Variants in AKR1C3 observed in about 807,000 individuals in gnomAD.
AKR1C3 encodes the protein 3-alpha hydroxysteroid dehydrogenase, type II.
Under a neutral mutation model 43.6 loss-of-function variants are expected in AKR1C3, and 48 were observed. The observed-to-expected ratio is 1.10, with a 90% CI of 0.87 to 1.40. The LOEUF (loss-of-function observed/expected upper bound fraction) is 1.40, where lower values mean the gene tolerates loss of function less well. AKR1C3 is among the 40% of genes most tolerant of loss of function. The pLI is 0.00. For synonymous variants in AKR1C3, 162 were observed against 139.6 expected (o/e 1.16, Z -1.13); for missense variants, 482 against 391.2 (o/e 1.23, Z -1.96).
At chr10:5,099,236 T>C (rs1418062485) in intron 4 of AKR1C3, 91 bp from the exon 5 acceptor site, 1 of 1,579,842 alleles carries the variant, frequency 6.3e-7, no homozygotes, top group Non-Finnish European at 8.6e-7. Context: ...TGTCATACTT[T>C]GAAAGTTGTT....
chr10:5,107,235 TTG>T (rs61187105), intron 8 of AKR1C3, among the ~76,000 whole-genome samples: 1,539 of 151,968 alleles, frequency 0.01, 24 homozygotes, highest in African/African-American at 0.035. Context: ...ATATTTGACT[TTG>T]TGTGTTTTAC....
At chr10:5,079,468 G>T (rs1838784859) in intron 1 of AKR1C3, among the ~76,000 whole-genome samples, 1 of 152,142 alleles carries the variant, frequency 6.6e-6, no homozygotes, top group Non-Finnish European at 1.5e-5. Flanking sequence ...GAACAGAGGA[G>T]AAAAGCATTT....
intron 7 of AKR1C3, among the ~76,000 whole-genome samples, chr10:5,104,747 CATT>C (rs1354323759): frequency 4.6e-5 from 7 of 152,130 alleles, no homozygotes; most frequent in African/African-American, 1.7e-4. Context: ...ATATATATAT[CATT>C]AATTTTATAA....
intron 1 of AKR1C3, among the ~76,000 whole-genome samples, chr10:5,061,183 C>T (rs1409278034): frequency 3.9e-5 from 6 of 152,226 alleles, no homozygotes; most frequent in African/African-American, 1.4e-4. Context: ...ACTGCAAGGG[C>T]TGCCAGCACA....
At chr10:5,048,848 G>A in exon 1 of AKR1C3, 1 of 1,613,938 alleles carries the variant, frequency 6.2e-7, no homozygotes, top group South Asian at 1.1e-5. Context: ...GCTAAATGAT[G>A]GTCACTTCAT....
intron 3 of AKR1C3, chr10:5,098,266 ATTATTGTTGACCCAAAC>A (rs1554785469): frequency 1.1e-6 from 1 of 897,188 alleles, no homozygotes; most frequent in East Asian, 1.2e-4. Flanking sequence ...ACTTTTTTTT[ATTATTGTTGACCCAAAC>A]TTTTTCATTG....
chr10:5,077,395 T>C (rs556322736), intron 1 of AKR1C3, among the ~76,000 whole-genome samples: 20 of 152,202 alleles, frequency 1.3e-4, no homozygotes, highest in African/African-American at 4.8e-4. Context: ...GTCAAGACTA[T>C]AGGTTTTCAT....
At chr10:5,092,233 G>A (rs969588384), upstream of AKR1C3, among the ~76,000 whole-genome samples, 4 of 151,936 alleles carry the variant, frequency 2.6e-5, no homozygotes, top group African/African-American at 9.7e-5. Flanking sequence ...ATTTGTTGTT[G>A]GCTTTTAGAG....
At chr10:5,099,871 G>A (rs1433154067) in intron 5 of AKR1C3, 1 of 166,244 alleles carries the variant, frequency 6.0e-6, no homozygotes, top group Non-Finnish European at 1.3e-5. Context: ...TAAGAGAAGA[G>A]AGGTGCTAGG....
intron 3 of AKR1C3, chr10:5,097,856 C>A (rs926404901): frequency 3.5e-6 from 4 of 1,146,654 alleles, no homozygotes; most frequent in Admixed American, 9.2e-5. Context: ...TTGGGATGTT[C>A]CCAGACACAG....
rs201037479 is a variant in AKR1C3, at chr10:5,075,874, CA to C, written c.85-20524del. Among the ~76,000 whole-genome samples, 481 of 127,734 alleles carry C rather than the reference CA, an allele frequency of 3.8e-3. 3 individuals carry two copies. Among genetic ancestry groups the C allele is most frequent in the East Asian group, 0.012 (55 of 4,506 alleles). 83.8% of individuals were successfully genotyped at this position (127,734 alleles called of 152,430 possible). A position where few individuals can be genotyped will look rare whatever the true frequency, so the allele number is the denominator to read the frequency against. On this transcript the variant is annotated intron_variant, in intron 1 of 8. Transcript: ENST00000439082. The stretch of plus-strand genomic sequence containing the variant: ...GGGCAATAAGAGCAAAACTCCATCT[CA>C]AAAAAAAAAAAGTCAAGGAATATGG...
chr10:5,077,240 C>G lies in AKR1C3; in HGVS notation c.85-19170C>G, dbSNP rs567189176. ...TGACCAAAGGGGCCCTGTATCCCCACAAGCCCTGGGTATTTTTCTCTCATA... is the reference window on the plus strand; with the variant it reads ...TGACCAAAGGGGCCCTGTATCCCCAGAAGCCCTGGGTATTTTTCTCTCATA... On this transcript the variant is annotated intron_variant, in intron 1 of 8. Coordinates refer to the AKR1C3 transcript ENST00000439082. Among the ~76,000 whole-genome samples, 5 of 152,250 alleles carry G rather than the reference C, an allele frequency of 3.3e-5. No homozygotes were observed. The South Asian group carries it at 6.2e-4, about 19-fold the overall frequency.
intron 1 of AKR1C3, among the ~76,000 whole-genome samples, chr10:5,095,670 A>C (rs1554784990): frequency 6.6e-6 from 1 of 152,166 alleles, no homozygotes; most frequent in East Asian, 1.9e-4. Flanking sequence ...CAGTAATTTT[A>C]AATTTCACTG....
At position 5,097,416 on chromosome 10, in the gene AKR1C3, A is replaced by G. The variant is rs782049519; in HGVS notation, c.253-18A>G. ...CAAGCATTCATTCAAAATCACCTCCATTCTTTAACCTCTGCAGCTTTGGTC... is the reference window on the plus strand; with the variant it reads ...CAAGCATTCATTCAAAATCACCTCCGTTCTTTAACCTCTGCAGCTTTGGTC... On this transcript the variant is annotated intron_variant, in intron 2 of 8. Coordinates refer to ENST00000380554, the MANE Select transcript of AKR1C3 (RefSeq NM_003739.6). 1.9e-6 allele frequency: 3 copies of G among 1,611,064 alleles called. No homozygotes were observed. The highest frequency in any genetic ancestry group is 1.3e-5 in the African/African-American group (1 of 74,654).
At chr10:5,092,221 C>G (rs1005412456), upstream of AKR1C3, among the ~76,000 whole-genome samples, 1 of 151,998 alleles carries the variant, frequency 6.6e-6, no homozygotes, top group East Asian at 1.9e-4. Context: ...TTAAGATAGT[C>G]TATTTGTTGT....
At position 5,096,448 on chromosome 10, in the gene AKR1C3, A is replaced by G. The variant is rs1303320820; in HGVS notation, c.123A>G (p.Ala41=). The change falls in exon 2 of 9, where the codon GCA becomes GCG. Residue 41 remains alanine (A), a synonymous_variant. Coordinates refer to ENST00000380554, the MANE Select transcript of AKR1C3 (RefSeq NM_003739.6). ...RSKALEVTKL[A]IEAGFRHIDS... is the part of the protein sequence containing the mutation. ...AAGCTTTGGAGGTCACAAAATTAGC[A>G]ATAGAAGCTGGGTTCCGCCATATAG... 1 of 1,613,586 alleles carries G rather than the reference A, an allele frequency of 6.2e-7. No individual in the cohort carries two copies. Among genetic ancestry groups the G allele is most frequent in the African/African-American group, 1.3e-5 (1 of 74,894 alleles).
At chr10:5,089,769 C>T (rs1588349866), upstream of AKR1C3, among the ~76,000 whole-genome samples, 1 of 152,176 alleles carries the variant, frequency 6.6e-6, no homozygotes, top group African/African-American at 2.4e-5. Flanking sequence ...TTGCTGGAGA[C>T]TTAGTGTAAT....
intron 1 of AKR1C3, among the ~76,000 whole-genome samples, chr10:5,074,857 G>A (rs781870394): frequency 7.9e-5 from 12 of 152,070 alleles, no homozygotes; most frequent in Non-Finnish European, 1.5e-4. Context: ...ATGCATTTCC[G>A]ATTGTTCACC....
rs1362026641 is a variant in AKR1C3, at chr10:5,102,177, A to G, written c.647A>G (p.Tyr216Cys). The G allele has an allele frequency of 9.3e-6, 15 of 1,614,012 alleles. No individual in the cohort carries two copies. Among genetic ancestry groups the G allele is most frequent in the Non-Finnish European group, 1.2e-5 (14 of 1,179,876 alleles). ...TCGAAAGATATTGTTCTGGTTGCCT[A>G]TAGTGCTCTGGGATCTCAACGAGAC... ...CKSKDIVLVA[Y>C]SALGSQRDKR... Residue 216 changes from tyrosine (Y) to cysteine (C), a missense_variant, in exon 6 of 9, where the codon TAT becomes TGT. By Grantham distance (194) the Tyr-to-Cys change is radical (BLOSUM62 -2). Coordinates refer to ENST00000380554, the MANE Select transcript of AKR1C3 (RefSeq NM_003739.6).
Sources: gnomAD v4.1 joint callset for allele counts (sites outside exome capture counted in the v4.1 genomes callset) on GRCh38, gnomAD v4.1.1 for gene constraint, MANE v1.5 for transcripts, NCBI Gene and HGNC (gene_info 2026-07-23, HGNC 2026-07-21) for gene names.